The following TGM5 variants were observed in gnomAD, a reference collection of about 807,000 sequenced individuals.
TGM5 encodes the protein protein-glutamine gamma-glutamyltransferase 5.
Under a neutral mutation model 77.2 loss-of-function variants are expected in TGM5, and 69 were observed. The ratio of observed to expected loss-of-function variants is 0.89; its 90% CI spans 0.74 to 1.09. TGM5 has a LOEUF of 1.09. Ranked by LOEUF, TGM5 falls within the 50% of genes least tolerant of loss-of-function variation. The probability of loss-of-function intolerance (pLI) is 0.00; values close to 1 mark genes in which losing one functional copy is unlikely to be tolerated. For missense variants in TGM5, 842 were observed against 896.5 expected, an observed-to-expected ratio of 0.94 and a Z score of 0.78; for synonymous variants, 346 against 351.8, an observed-to-expected ratio of 0.98 and a Z score of 0.18.
chr15:43,255,499 T>C (rs2042736502), intron 4 of TGM5, among the ~76,000 whole-genome samples: 1 of 152,156 alleles, frequency 6.6e-6, no homozygotes, highest in East Asian at 1.9e-4. Context: ...GGATTGGGGA[T>C]GTGAGTTGGG....
intron 1 of TGM5, among the ~76,000 whole-genome samples, chr15:43,263,138 A>T (rs943184120): frequency 5.3e-5 from 8 of 152,244 alleles, no homozygotes; most frequent in African/African-American, 1.9e-4. Flanking sequence ...CATCAAAAAG[A>T]ATGACTTAGT....
intron 9 of TGM5, 38 bp downstream of exon 9, chr15:43,238,778 AG>A (rs1299623602): frequency 6.2e-7 from 1 of 1,610,782 alleles, no homozygotes; most frequent in South Asian, 1.1e-5. Flanking sequence ...AGGTTCCTGC[AG>A]GGCTGGGGCT....
chr15:43,261,289 C>T (rs2042789190), intron 1 of TGM5, among the ~76,000 whole-genome samples: 1 of 151,860 alleles, frequency 6.6e-6, no homozygotes, highest in Non-Finnish European at 1.5e-5. Flanking sequence ...CAGGGTTTCA[C>T]CGTGTTAGCG....
At chr15:43,258,077 G>C (rs956633514) in intron 3 of TGM5, among the ~76,000 whole-genome samples, 1 of 152,008 alleles carries the variant, frequency 6.6e-6, no homozygotes, top group African/African-American at 2.4e-5. Flanking sequence ...AGGGCCTGTC[G>C]TGGGGTGGGG....
chr15:43,260,042 C>T lies in TGM5; in HGVS notation c.436+10G>A, dbSNP rs761537864. The T allele has an allele frequency of 6.2e-7, 1 of 1,613,110 alleles. No individual in the cohort carries two copies. The highest frequency in any genetic ancestry group is 1.1e-5 in the South Asian group (1 of 90,996). ...AGAAAGGAGGGCACCGCCTGGGCAC[C>T]CAGCCTTACCTGGGCACCAGGGATT... On this transcript the variant is annotated intron_variant, in intron 3 of 12. Coordinates refer to ENST00000220420, the MANE Select transcript of TGM5 (RefSeq NM_201631.4).
chr15:43,246,838 G>A (rs776025376), intron 6 of TGM5, among the ~76,000 whole-genome samples: 1 of 152,126 alleles, frequency 6.6e-6, no homozygotes, highest in Non-Finnish European at 1.5e-5. Context: ...AATACATAGG[G>A]CATTTGATAA....
intron 3 of TGM5, among the ~76,000 whole-genome samples, chr15:43,258,957 A>C (rs574195444): frequency 6.6e-6 from 1 of 152,164 alleles, no homozygotes; most frequent in East Asian, 1.9e-4. Flanking sequence ...ATGGGTGAGC[A>C]TTCTCAGCCA....
intron 1 of TGM5, among the ~76,000 whole-genome samples, chr15:43,264,744 T>TTA (rs1160546200): frequency 6.6e-6 from 1 of 152,226 alleles, no homozygotes; most frequent in Non-Finnish European, 1.5e-5. Context: ...ATTGTGGACT[T>TTA]TATAAAGCTG....
At chr15:43,251,567 C>T (rs1046211420) in intron 6 of TGM5, among the ~76,000 whole-genome samples, 1 of 152,202 alleles carries the variant, frequency 6.6e-6, no homozygotes, top group Non-Finnish European at 1.5e-5. Context: ...GAAAACCTTG[C>T]TTGGCTTCTC....
rs1393874765 is a variant in TGM5, at chr15:43,260,566, G to A, written c.24C>T (p.Ala8=). The A allele has an allele frequency of 3.1e-6, 5 of 1,613,942 alleles. No homozygotes were observed. In the East Asian group the frequency reaches 1.1e-4, roughly 36 times the overall value. ...TTCTGGAGCTCTGGAGGTCTGTGAG[G>A]GCCACTTCTAGCCCTGCAATGGGGC... MAQGLEV[A]LTDLQSSRNN... is the part of the protein sequence containing the mutation. The change falls in exon 2 of 13, where the codon GCC becomes GCT. Residue 8 remains alanine, a synonymous_variant. Transcript: ENST00000220420.
At chr15:43,233,412 C>T (rs1165073767) in intron 12 of TGM5, 68 bp from the exon 13 acceptor site, 1 of 1,610,378 alleles carries the variant, frequency 6.2e-7, no homozygotes, top group Non-Finnish European at 8.5e-7. Context: ...CCTTTTCCAC[C>T]CAGCTTCCTG....
chr15:43,262,122 A>AG (rs2042794209), intron 1 of TGM5, among the ~76,000 whole-genome samples: 1 of 152,044 alleles, frequency 6.6e-6, no homozygotes, highest in Admixed American at 6.6e-5. Context: ...CTCTAACCAA[A>AG]TTCCACCTGT....
Position 43,235,802 on chromosome 15 carries a change from G to T in TGM5, c.1381C>A (p.Leu461Met), listed in dbSNP as rs2042586121. Residue 461 changes from leucine (L) to methionine (M), a missense_variant, in exon 10 of 13, where the codon CTG (leucine) becomes ATG (methionine). Physicochemically the swap from Leu to Met is conservative, Grantham distance 15. This residue lies in a region of TGM5 where 815 missense variants were observed against 844.6 expected (regional missense o/e 0.96). Coordinates refer to ENST00000220420, the MANE Select transcript of TGM5 (RefSeq NM_201631.4). Reference sequence around the variant, plus strand: ...AAGCTTCTAGCCTTCAGCTTCTGCAGAGCCTTCAGAAACACCTGCCTCTCC... The same window carrying T: ...AAGCTTCTAGCCTTCAGCTTCTGCATAGCCTTCAGAAACACCTGCCTCTCC... ...LQERQVFLKA[L>M]QKLKARSFHG... The T allele has an allele frequency of 1.2e-6, 2 of 1,614,000 alleles. No individual in the cohort carries two copies. The highest frequency in any genetic ancestry group is 1.7e-6 in the Non-Finnish European group (2 of 1,180,036).
Position 43,235,632 on chromosome 15 carries a change from G to A in TGM5, c.1551C>T (p.Pro517=), listed in dbSNP as rs2042583674. 1.2e-6 allele frequency: 2 copies of A among 1,614,074 alleles called. No individual in the cohort carries two copies. The highest frequency in any genetic ancestry group is 1.7e-5 in the Admixed American group (1 of 60,004). The change falls in exon 10 of 13, where the codon CCC becomes CCT. Residue 517 remains proline, a synonymous_variant. Coordinates refer to ENST00000220420, the MANE Select transcript of TGM5 (RefSeq NM_201631.4). ...CAAAGCATATATCCTGGCCCATGTT[G>A]GGCGGGTCGAGCAGCTTGAATTTCA... is the stretch of plus-strand genomic sequence containing the variant. ...VSLKFKLLDP[P]NMGQDICFVL...
intron 10 of TGM5, 148 bp downstream of exon 10, chr15:43,235,318 AAGG>A (rs903612395): frequency 1.1e-5 from 11 of 968,968 alleles, no homozygotes; most frequent in Admixed American, 1.0e-4. Flanking sequence ...AGGAAGGGGG[AAGG>A]AGAAGAGGGA....
In TGM5 at chr15:43,252,759, C is replaced by T. The variant is rs1241392126; in HGVS notation, c.862G>A (p.Val288Met). The part of the protein sequence containing the change: ...CWVFAAVMCT[V>M]MRCLGIPTRV... Reference sequence around the variant, plus strand: ...TTGTGGGGTCCTTTCTACCTCCTACCTGTGCACATGACGGCAGCAAAGACC... The same window carrying T: ...TTGTGGGGTCCTTTCTACCTCCTACTTGTGCACATGACGGCAGCAAAGACC... Residue 288 changes from valine (V) to methionine (M), a missense_variant and splice_region_variant, in exon 6 of 13, where the codon GTG (valine) becomes ATG (methionine). Physicochemically the swap from Val to Met is conservative, Grantham distance 21. Around this residue, in one of 2 missense-constraint regions of TGM5, gnomAD observed 815 missense variants for 844.6 expected, o/e 0.96. Transcript: ENST00000220420. The T allele has an allele frequency of 6.2e-7, 1 of 1,613,696 alleles. No homozygotes were observed.
At chr15:43,257,969 A>G (rs1439534571) in intron 3 of TGM5, among the ~76,000 whole-genome samples, 1 of 152,270 alleles carries the variant, frequency 6.6e-6, no homozygotes, top group Admixed American at 6.5e-5. Context: ...TGAGCAAACT[A>G]TTGCAAGGAC....
At position 43,253,584 on chromosome 15, in the gene TGM5, C is replaced by T. The variant is rs372750782; in HGVS notation, c.606G>A (p.Leu202=). The T allele has an allele frequency of 5.6e-6, 9 of 1,613,786 alleles. No homozygotes were observed. The African/African-American group carries it at 1.1e-4, about 19-fold the overall frequency. ...DICLKLLDKS[L]HFQTDPATDC... is the part of the protein sequence containing the mutation. ...CTGTGGCTGGGTCAGTCTGGAAGTGCAGGCTCTTGTCTAGCAGCTTCAGGC... is the reference window on the plus strand; with the variant it reads ...CTGTGGCTGGGTCAGTCTGGAAGTGTAGGCTCTTGTCTAGCAGCTTCAGGC... Residue 202 remains leucine (L), a synonymous_variant, in exon 5 of 13, where the codon CTG becomes CTA. Coordinates refer to ENST00000220420, the MANE Select transcript of TGM5 (RefSeq NM_201631.4).
chr15:43,264,381 CCAT>C (rs1451497465), intron 1 of TGM5, among the ~76,000 whole-genome samples: 6 of 151,970 alleles, frequency 3.9e-5, no homozygotes, highest in African/African-American at 1.5e-4. Flanking sequence ...ACACAATTGT[CCAT>C]CAACTGAAGA....
Sources: gnomAD v4.1 joint callset for allele counts (sites outside exome capture counted in the v4.1 genomes callset) on GRCh38, gnomAD v4.1.1 for gene constraint, gnomAD v4.1.1 regional missense constraint, MANE v1.5 for transcripts, NCBI Gene and HGNC (gene_info 2026-07-23, HGNC 2026-07-21) for gene names.